CIITA: variants seen among roughly 807,000 people sequenced by gnomAD.
CIITA encodes MHC class II transactivator.
Under a neutral mutation model 115.1 loss-of-function variants are expected in CIITA, and 72 were observed. That is an observed-to-expected ratio of 0.63 (90% CI 0.52 to 0.76). CIITA has a LOEUF of 0.76. Among genes scored for constraint, CIITA ranks in the 30% least tolerant of loss-of-function variants. CIITA has a pLI of 0.00. For missense variants in CIITA, 1,617 were observed against 1,463.8 expected, an observed-to-expected ratio of 1.10 and a Z score of -1.71; for synonymous variants, 763 against 635.6, an observed-to-expected ratio of 1.20 and a Z score of -3.02.
chr16:10,903,807 G>T lies in CIITA; in HGVS notation c.849G>T (p.Arg283=). 3.1e-6 allele frequency: 5 copies of T among 1,614,172 alleles called. No homozygotes were observed. The highest frequency in any genetic ancestry group is 1.1e-5 in the South Asian group (1 of 91,084). Residue 283 remains arginine (R), a synonymous_variant, in exon 9 of 20, where the codon CGG becomes CGT. Transcript: ENST00000324288. Reference sequence around the variant, plus strand: ...ACGGCCTCCCAACATCTCCAGACCGGCCAGGCTCCACCAGCCCCTTCGCTC... The same window carrying T: ...ACGGCCTCCCAACATCTCCAGACCGTCCAGGCTCCACCAGCCCCTTCGCTC... ...TVHGLPTSPD[R]PGSTSPFAPS...
chr16:10,888,210 GC>G (rs1338411869), intron 1 of CIITA: 34 of 152,312 alleles, frequency 2.2e-4, no homozygotes, highest in African/African-American at 8.2e-4. Context: ...CTTTCTAAGG[GC>G]TCCATGCAAC....
At chr16:10,910,149 G>T (rs762292612) in intron 12 of CIITA, 39 bp from the exon 13 acceptor site, 15 of 1,578,192 alleles carry the variant, frequency 9.5e-6, no homozygotes, top group Non-Finnish European at 1.3e-5. Context: ...CTCAGTGACA[G>T]CAGTGCCTGC....
In CIITA at chr16:10,901,241, T is replaced by G. The variant is rs2038717547; in HGVS notation, c.437-273T>G. Among the ~76,000 whole-genome samples, 1 of 152,150 alleles carries G rather than the reference T, an allele frequency of 6.6e-6. No homozygotes were observed. Among genetic ancestry groups the G allele is most frequent in the Admixed American group, 6.5e-5 (1 of 15,280 alleles). The stretch of plus-strand genomic sequence containing the variant: ...GGTTCAAAAGCAGGTTCCTTTGTTT[T>G]GTTTTGTTTTGTTTTTTGGCTCAAA... On this transcript the variant is annotated intron_variant, in intron 5 of 19. Coordinates refer to ENST00000324288, the MANE Select transcript of CIITA (RefSeq NM_000246.4). The surrounding 1 kb of genome is among the most constrained non-coding windows in gnomAD (Gnocchi z 6.8).
intron 16 of CIITA, among the ~76,000 whole-genome samples, chr16:10,921,834 C>T (rs1010929827): frequency 3.9e-5 from 6 of 152,310 alleles, no homozygotes; most frequent in Non-Finnish European, 5.9e-5. Context: ...GTGACTCCCA[C>T]GGGGCTGACC....
intron 1 of CIITA, among the ~76,000 whole-genome samples, chr16:10,869,801 G>T (rs975930137): frequency 3.3e-5 from 5 of 152,068 alleles, no homozygotes; most frequent in African/African-American, 7.2e-5. Context: ...GAGCCACTGC[G>T]CCTGGCTCCC....
chr16:10,912,786 C>T (rs1424434959), intron 13 of CIITA, among the ~76,000 whole-genome samples: 3 of 152,198 alleles, frequency 2.0e-5, no homozygotes, highest in African/African-American at 7.2e-5. Context: ...TGGGGAACAG[C>T]GGCCATGGGG....
downstream of CIITA, chr16:10,939,718 C>T (rs184504252): frequency 1.1e-3 from 170 of 152,306 alleles, no homozygotes; most frequent in Non-Finnish European, 2.0e-3. This position sits in a 1 kb window ranked among gnomAD's most constrained non-coding sequence, Gnocchi z 4.9. Flanking sequence ...CTACAGAGAC[C>T]GTCTACTAGA....
At chr16:10,910,000 G>T (rs537487767) in intron 12 of CIITA, among the ~76,000 whole-genome samples, 188 bp from the exon 13 acceptor site, 1 of 152,276 alleles carries the variant, frequency 6.6e-6, no homozygotes, top group East Asian at 1.9e-4. Flanking sequence ...CTCCCAAAGT[G>T]CTGGGACTAC....
At chr16:10,899,438 T>G (rs1394925750) in intron 5 of CIITA, among the ~76,000 whole-genome samples, 1 of 152,248 alleles carries the variant, frequency 6.6e-6, no homozygotes, top group African/African-American at 2.4e-5. Flanking sequence ...AACCCTTCTC[T>G]GACCATCCTT....
chr16:10,887,615 C>T (rs373323653), intron 1 of CIITA, among the ~76,000 whole-genome samples: 24 of 152,224 alleles, frequency 1.6e-4, no homozygotes, highest in East Asian at 1.2e-3. Flanking sequence ...CCTGCCTCAG[C>T]CTCCCAAGTA....
At chr16:10,900,686 G>A (rs1250670881) in intron 5 of CIITA, among the ~76,000 whole-genome samples, 1 of 151,578 alleles carries the variant, frequency 6.6e-6, no homozygotes, top group Non-Finnish European at 1.5e-5. Flanking sequence ...GTTGCAGTGA[G>A]CCAAGATTGC....
chr16:10,894,506 G>A (rs1314252378), intron 1 of CIITA, among the ~76,000 whole-genome samples: 2 of 152,000 alleles, frequency 1.3e-5, no homozygotes, highest in African/African-American at 4.8e-5. Flanking sequence ...CATATTTATG[G>A]GGTATATGTG....
chr16:10,884,531 C>G (rs1280311429), intron 1 of CIITA, among the ~76,000 whole-genome samples: 1 of 152,198 alleles, frequency 6.6e-6, no homozygotes, highest in Non-Finnish European at 1.5e-5. Context: ...CCTCCTGCCT[C>G]AGCCTCCCAA....
Position 10,915,610 on chromosome 16 carries a change from G to A in CIITA, c.2929G>A (p.Val977Met). The A allele has an allele frequency of 1.2e-6, 2 of 1,614,112 alleles. No individual in the cohort carries two copies. The highest frequency in any genetic ancestry group is 2.2e-5 in the South Asian group (2 of 91,086). The change falls in exon 14 of 20, where the codon GTG (valine) becomes ATG (methionine). Residue 977 changes from valine to methionine, a missense_variant. By Grantham distance (21) the Val-to-Met change is conservative. Coordinates refer to ENST00000324288, the MANE Select transcript of CIITA (RefSeq NM_000246.4). Reference sequence around the variant, plus strand: ...AGGCCCCCAGGCTTTCCCCAAACTGGTGCGGATCCTCACGGCCTTTTCCTC... The same window carrying A: ...AGGCCCCCAGGCTTTCCCCAAACTGATGCGGATCCTCACGGCCTTTTCCTC... ...VSGPQAFPKL[V>M]RILTAFSSLQ...
chr16:10,912,859 A>T (rs2039676266), intron 13 of CIITA, among the ~76,000 whole-genome samples: 2 of 152,186 alleles, frequency 1.3e-5, no homozygotes, highest in South Asian at 4.1e-4. Flanking sequence ...GGAGGTTCTG[A>T]GGAAGGAAGG....
At chr16:10,871,407 G>A (rs1287019263) in intron 1 of CIITA, among the ~76,000 whole-genome samples, 1 of 152,194 alleles carries the variant, frequency 6.6e-6, no homozygotes, top group South Asian at 2.1e-4. Flanking sequence ...AGGCTGTAGG[G>A]CACCCCTGCC....
upstream of CIITA, among the ~76,000 whole-genome samples, chr16:10,875,030 A>G (rs1375188684): frequency 6.7e-6 from 1 of 149,490 alleles, no homozygotes; most frequent in Non-Finnish European, 1.5e-5. Context: ...GTGCAGTGGC[A>G]CTATCTAAGC....
At chr16:10,936,697 C>T (rs2041031614), downstream of CIITA, 1 of 152,132 alleles carries the variant, frequency 6.6e-6, no homozygotes, top group Non-Finnish European at 1.5e-5. Flanking sequence ...GTTCCAAGGT[C>T]GGGGATGGGG....
At chr16:10,918,593 T>G (rs2040091695) in intron 16 of CIITA, 67 bp downstream of exon 16, 2 of 1,396,330 alleles carry the variant, frequency 1.4e-6, no homozygotes, top group East Asian at 2.3e-5. Flanking sequence ...GGAACCCACA[T>G]CGTGCTGGCT....
Sources: allele counts gnomAD v4.1 joint callset (sites outside exome capture counted in the v4.1 genomes callset), GRCh38; gene constraint gnomAD v4.1.1; non-coding constraint Gnocchi (gnomAD v3.1); transcripts MANE v1.5; gene names NCBI Gene and HGNC (gene_info 2026-07-23, HGNC 2026-07-21).